The following PRKCG variants were observed in gnomAD, a reference collection of about 807,000 sequenced individuals.
PRKCG encodes the protein protein kinase C gamma, also known as protein kinase C gamma type.
PRKCG carries 28 observed loss-of-function variants against 82.0 expected under a neutral mutation model. The ratio of observed to expected loss-of-function variants is 0.34; its 90% confidence interval spans 0.25 to 0.47. The LOEUF is 0.47. PRKCG is among the 20% of genes least tolerant of loss of function. PRKCG has a pLI of 1.00. For missense variants in PRKCG, 640 were observed against 952.7 expected (o/e 0.67, Z 4.32); for synonymous variants, 383 against 376.6 (o/e 1.02, Z -0.20).
chr19:53,903,600 G>T (rs1297182544), intron 15 of PRKCG, among the ~76,000 whole-genome samples: 1 of 152,108 alleles, frequency 6.6e-6, no homozygotes, highest in Admixed American at 6.6e-5. Flanking sequence ...CTTCTTAGCT[G>T]GCTATGGTAG....
Position 53,906,894 on chromosome 19 carries a change from A to G in PRKCG, c.2093A>G (p.Ter698=), listed in dbSNP as rs757673659. ...AGCCCAGTGCCTGTGCCCGTCATGT[A>G]ATCTCACCCGCCGCCACTAGGTGTC... ...PTSPVPVPVM[*] is the part of the protein sequence containing the mutation. The change falls in exon 18 of 18, where the codon TAA becomes TGA. Residue 698 remains the stop codon, a stop_retained_variant. Coordinates refer to ENST00000263431, the MANE Select transcript of PRKCG (RefSeq NM_002739.5). The G allele has an allele frequency of 5.6e-6, 9 of 1,612,876 alleles. No homozygotes were observed. In the South Asian group the frequency reaches 9.9e-5, roughly 18 times the overall value.
intron 14 of PRKCG, 138 bp from the exon 15 acceptor site, chr19:53,902,935 G>T: frequency 1.2e-5 from 6 of 498,264 alleles, no homozygotes; most frequent in African/African-American, 2.4e-5. Flanking sequence ...AAAATCACCT[G>T]ATGAAATAAA....
Position 53,883,837 on chromosome 19 carries a change from G to C in PRKCG, c.203-324G>C, listed in dbSNP as rs60237763. Reference sequence around the variant, plus strand: ...TCTCCTGGCTTTCTGATCTCCGTCCGTGGGCCTGTGTCTGTTTGTCAATGG... The same window carrying C: ...TCTCCTGGCTTTCTGATCTCCGTCCCTGGGCCTGTGTCTGTTTGTCAATGG... On this transcript the variant is annotated intron_variant, in intron 2 of 17. Coordinates refer to ENST00000263431, the MANE Select transcript of PRKCG (RefSeq NM_002739.5). The surrounding 1 kb of genome is among the most constrained non-coding windows in gnomAD (Gnocchi z 5.4). Among the ~76,000 whole-genome samples the C allele has an allele frequency of 0.019, 2,915 of 152,226 alleles. 90 individuals are homozygous for C. The highest frequency in any genetic ancestry group is 0.066 in the African/African-American group (2,742 of 41,526).
chr19:53,902,825 TTGAGGCTGAG>T (rs1222244391), intron 14 of PRKCG, among the ~76,000 whole-genome samples: 3 of 141,278 alleles, frequency 2.1e-5, no homozygotes, highest in Non-Finnish European at 4.5e-5. Context: ...GCCTGGGAAG[TTGAGGCTGAG>T]TGAGCCGTGA....
rs982651771 is a variant in PRKCG, at chr19:53,883,391, G to A, written c.202+197G>A. On this transcript the variant is annotated intron_variant, in intron 2 of 17. Coordinates refer to ENST00000263431, the MANE Select transcript of PRKCG (RefSeq NM_002739.5). The surrounding 1 kb of genome is among the most constrained non-coding windows in gnomAD (Gnocchi z 5.4). ...GGGGCCACCGCGGAGGTGGTGCTGG[G>A]GGCCCCTCCCTCGGCCGGCTCCAGG... Among the ~76,000 whole-genome samples the A allele has an allele frequency of 3.3e-5, 5 of 152,068 alleles. No individual in the cohort carries two copies.
chr19:53,900,839 C>G lies in PRKCG; in HGVS notation c.1575+90C>G, dbSNP rs1324723499. On this transcript the variant is annotated intron_variant, in intron 14 of 17. Transcript: ENST00000263431. This position sits in a 1 kb window ranked among gnomAD's most constrained non-coding sequence, Gnocchi z 4.2. ...AGTATTCACCACGGGTGAGGCCTGACCCTCAGACCTTGTCATGAGTTGTGG... is the reference window on the plus strand; with the variant it reads ...AGTATTCACCACGGGTGAGGCCTGAGCCTCAGACCTTGTCATGAGTTGTGG... 6.3e-7 allele frequency: 1 copy of G among 1,588,246 alleles called. No homozygotes were observed. Among genetic ancestry groups the G allele is most frequent in the Non-Finnish European group, 8.6e-7 (1 of 1,162,980 alleles).
In PRKCG at chr19:53,882,596, G is replaced by A. The variant is rs760235967; in HGVS notation, c.102G>A (p.Lys34=). The A allele has an allele frequency of 3.9e-5, 63 of 1,613,908 alleles. No homozygotes were observed. The highest frequency in any genetic ancestry group is 1.7e-4 in the Middle Eastern group (1 of 6,020). The part of the protein sequence containing the change: ...ALRQKVVHEV[K]SHKFTARFFK... ...GGCAGAAGGTGGTCCACGAAGTCAAGAGCCACAAGTTCACCGCTCGCTTCT... is the reference window on the plus strand; with the variant it reads ...GGCAGAAGGTGGTCCACGAAGTCAAAAGCCACAAGTTCACCGCTCGCTTCT... Residue 34 remains lysine (K), a synonymous_variant, in exon 1 of 18, where the codon AAG becomes AAA. Coordinates refer to ENST00000263431, the MANE Select transcript of PRKCG (RefSeq NM_002739.5). This position sits in a 1 kb window ranked among gnomAD's most constrained non-coding sequence, Gnocchi z 6.1.
chr19:53,885,226 T>A (rs940384604), intron 3 of PRKCG, among the ~76,000 whole-genome samples: 8 of 152,146 alleles, frequency 5.3e-5, no homozygotes, highest in African/African-American at 1.9e-4. Context: ...CTTAAATTTT[T>A]TTTTTTTATT....
intron 5 of PRKCG, among the ~76,000 whole-genome samples, chr19:53,890,267 T>C (rs1257149032): frequency 6.6e-6 from 1 of 152,148 alleles, no homozygotes; most frequent in Non-Finnish European, 1.5e-5. Flanking sequence ...ACTTTCTTTT[T>C]TTTTTTGGGA....
Position 53,892,750 on chromosome 19 carries a change from G to GCACACACACACACA in PRKCG, c.821+108_821+109insACACACACACACAC. 1 of 1,168,658 alleles carries GCACACACACACACA rather than the reference G, an allele frequency of 8.6e-7. No homozygotes were observed. Among genetic ancestry groups the GCACACACACACACA allele is most frequent in the African/African-American group, 1.7e-5 (1 of 57,898 alleles). 72.4% of individuals were successfully genotyped at this position (1,168,658 alleles called of 1,614,324 possible). On this transcript the variant is annotated intron_variant, in intron 7 of 17. Transcript: ENST00000263431. The surrounding 1 kb of genome is among the most constrained non-coding windows in gnomAD (Gnocchi z 5.9). ...TGTCCTTCCCTCTGCCTCCCAGCAT[G>GCACACACACACACA]CGCACACACACACACACACACACAC...
At chr19:53,906,081 CCTCCTTCTT>C (rs1302507259) in intron 16 of PRKCG, among the ~76,000 whole-genome samples, 67 of 35,474 alleles carry the variant, frequency 1.9e-3, no homozygotes, top group East Asian at 3.2e-3. Context: ...TCCTCCTCCT[CCTCCTTCTT>C]CTTCTTCTTC....
At chr19:53,899,874 A>C (rs1599951155) in intron 11 of PRKCG, among the ~76,000 whole-genome samples, 1 of 152,204 alleles carries the variant, frequency 6.6e-6, no homozygotes, top group African/African-American at 2.4e-5. Flanking sequence ...GGCGTGAGCC[A>C]CCACGCCCAG....
chr19:53,905,123 G>A (rs926532878), intron 16 of PRKCG, among the ~76,000 whole-genome samples: 1 of 152,130 alleles, frequency 6.6e-6, no homozygotes, highest in African/African-American at 2.4e-5. Context: ...AGGGGTTATG[G>A]AGTTGACACA....
rs1483872839 is a variant in PRKCG at position 53,892,776 on chromosome 19, A to ACG, written c.821+134_821+135insGC. 6 of 1,011,418 alleles carry ACG rather than the reference A, an allele frequency of 5.9e-6. No individual in the cohort carries two copies. The highest frequency in any genetic ancestry group is 1.6e-5 in the South Asian group (1 of 63,338). The allele number at this position is 1,011,418 out of a possible 1,614,324, so 62.7% of individuals were successfully genotyped here. On this transcript the variant is annotated intron_variant, in intron 7 of 17. Transcript: ENST00000263431. This position sits in a 1 kb window ranked among gnomAD's most constrained non-coding sequence, Gnocchi z 5.9. ...CGCACACACACACACACACACACAC[A>ACG]CACACGCACACACACGCACACACCC...
In PRKCG at chr19:53,889,829, G is replaced by C; in HGVS notation, c.398-57G>C. 6.4e-7 allele frequency: 1 copy of C among 1,573,026 alleles called. No homozygotes were observed. The highest frequency in any genetic ancestry group is 8.6e-7 in the Non-Finnish European group (1 of 1,159,370). On this transcript the variant is annotated intron_variant, in intron 4 of 17. Transcript: ENST00000263431. The surrounding 1 kb of genome is among the most constrained non-coding windows in gnomAD (Gnocchi z 4.4). ...GGAAATGCCCGGGATGGGGTGGGGG[G>C]TGGAGTCTTGGCTTGGGGGCGGGGC...
chr19:53,893,547 A>C, intron 9 of PRKCG, 156 bp downstream of exon 9: 3 of 830,658 alleles, frequency 3.6e-6, no homozygotes, highest in Non-Finnish European at 6.0e-6. Context: ...CAGGATCCAG[A>C]GATGAATCTG....
chr19:53,903,501 A>G (rs558989785), intron 15 of PRKCG, among the ~76,000 whole-genome samples: 24 of 152,318 alleles, frequency 1.6e-4, no homozygotes, highest in African/African-American at 5.8e-4. Flanking sequence ...AGCTTAGACA[A>G]TTACATACAT....
chr19:53,900,651 C>G lies in PRKCG; in HGVS notation c.1477C>G (p.His493Asp). 1 of 1,614,222 alleles carries G rather than the reference C, an allele frequency of 6.2e-7. No homozygotes were observed. Among genetic ancestry groups the G allele is most frequent in the Non-Finnish European group, 8.5e-7 (1 of 1,180,050 alleles). ...CAATGTGATGCTGGATGCTGAGGGA[C>G]ACATCAAGATCACTGACTTTGGCAT... ...LDNVMLDAEG[H>D]IKITDFGMCK... The change falls in exon 14 of 18, where the codon CAC (histidine) becomes GAC (aspartate). Residue 493 changes from histidine to aspartate, a missense_variant. Coordinates refer to ENST00000263431, the MANE Select transcript of PRKCG (RefSeq NM_002739.5). This position sits in a 1 kb window ranked among gnomAD's most constrained non-coding sequence, Gnocchi z 4.2.
chr19:53,897,830 G>A, intron 9 of PRKCG, 129 bp from the exon 10 acceptor site: 1 of 1,255,856 alleles, frequency 8.0e-7, no homozygotes. Flanking sequence ...CAGGGTAGGA[G>A]GGTGGCCATT....
Sources: gnomAD v4.1 joint callset for allele counts (sites outside exome capture counted in the v4.1 genomes callset) on GRCh38, gnomAD v4.1.1 for gene constraint, Gnocchi (gnomAD v3.1) non-coding constraint, MANE v1.5 for transcripts, NCBI Gene and HGNC (gene_info 2026-07-23, HGNC 2026-07-21) for gene names.